The following SPTBN2 variants were observed in gnomAD, a reference collection of about 807,000 sequenced individuals.
SPTBN2 encodes spectrin beta, non-erythrocytic 2.
Under a neutral mutation model 284.2 loss-of-function variants are expected in SPTBN2, and 107 were observed. The ratio of observed to expected loss-of-function variants is 0.38; its 90% confidence interval spans 0.32 to 0.44. The LOEUF (loss-of-function observed/expected upper bound fraction) is 0.44. SPTBN2 is among the 20% of genes least tolerant of loss of function. The probability of loss-of-function intolerance (pLI) is 1.00; values close to 1 mark genes in which losing one functional copy is unlikely to be tolerated. For missense variants in SPTBN2, 2,569 were observed against 3,287.1 expected (o/e 0.78, Z 5.34); for synonymous variants, 1,289 against 1,354.8 (o/e 0.95, Z 1.07).
chr11:66,694,203 C>T lies in SPTBN2; in HGVS notation c.4439G>A (p.Arg1480His), dbSNP rs201169791. 55 of 1,613,456 alleles carry T rather than the reference C, an allele frequency of 3.4e-5. No individual in the cohort carries two copies. The highest frequency in any genetic ancestry group is 8.5e-6 in the Non-Finnish European group (10 of 1,180,036). Residue 1480 changes from arginine to histidine, a missense_variant, in exon 22 of 38, where the codon CGC (arginine) becomes CAC (histidine). Coordinates refer to ENST00000533211, the MANE Select transcript of SPTBN2 (RefSeq NM_006946.4). ...GCGAGAAGCCTGCAGGCGCCGGCAG[C>T]GTTCCCGCATGGGCTGGCACAAGGC... is the stretch of plus-strand genomic sequence containing the variant. ...FRALCQPMRE[R>H]CRRLQASREQ... is the part of the protein sequence containing the mutation.
intron 8 of SPTBN2, among the ~76,000 whole-genome samples, chr11:66,712,404 G>A (rs780068737): frequency 9.2e-5 from 14 of 152,104 alleles, no homozygotes; most frequent in Non-Finnish European, 1.8e-4. Flanking sequence ...AAAATTAGCC[G>A]GGCGTGGTGG....
chr11:66,716,636 G>C lies in SPTBN2; in HGVS notation c.158-655C>G, dbSNP rs946005616. ...TGGTCAAGTGACTTCATTCATCAGA[G>C]CCCCAATGTCTCATCTGTAAAATGG... On this transcript the variant is annotated intron_variant, in intron 3 of 37. Coordinates refer to ENST00000533211, the MANE Select transcript of SPTBN2 (RefSeq NM_006946.4). Among the ~76,000 whole-genome samples, 5 of 152,318 alleles carry C rather than the reference G, an allele frequency of 3.3e-5. No individual in the cohort carries two copies. In the South Asian group the frequency reaches 1.0e-3, roughly 32 times the overall value.
chr11:66,689,788 A>C lies in SPTBN2; in HGVS notation c.5949+17T>G. 6.2e-7 allele frequency: 1 copy of C among 1,612,590 alleles called. No homozygotes were observed. The highest frequency in any genetic ancestry group is 1.1e-5 in the South Asian group (1 of 91,048). ...ACTGCACAGTGAGAATGGCCCGGCC[A>C]CCCAGGCCTCACCCACCTCCTCGGC... is the stretch of plus-strand genomic sequence containing the variant. On this transcript the variant is annotated intron_variant, in intron 29 of 37. Transcript: ENST00000533211.
At chr11:66,738,936 T>C (rs777701405) in intron 1 of SPTBN2, among the ~76,000 whole-genome samples, 2 of 152,106 alleles carry the variant, frequency 1.3e-5, no homozygotes. Context: ...CTCAGCCTCA[T>C]GAGTAGCTGG....
intron 21 of SPTBN2, among the ~76,000 whole-genome samples, chr11:66,695,286 C>T (rs1357272454): frequency 1.3e-5 from 2 of 152,190 alleles, no homozygotes; most frequent in African/African-American, 2.4e-5. Flanking sequence ...AGACAAGTCT[C>T]GCTCTGCCAC....
chr11:66,694,470 G>T, intron 21 of SPTBN2, 107 bp from the exon 22 acceptor site: 1 of 1,147,660 alleles, frequency 8.7e-7, no homozygotes, highest in Non-Finnish European at 1.2e-6. Flanking sequence ...GCTCATCACT[G>T]CAGCTCACCC....
chr11:66,689,077 G>GAGGA lies in SPTBN2; in HGVS notation c.6034+18_6034+19insTCCT. The GAGGA allele has an allele frequency of 6.3e-7, 1 of 1,597,932 alleles. No homozygotes were observed. Among genetic ancestry groups the GAGGA allele is most frequent in the Non-Finnish European group, 8.5e-7 (1 of 1,171,128 alleles). On this transcript the variant is annotated intron_variant, in intron 30 of 37. Coordinates refer to ENST00000533211, the MANE Select transcript of SPTBN2 (RefSeq NM_006946.4). ...GCCCCCCACTCCCCACAGGGCCTGG[G>GAGGA]GCCCCCTTGGCAGCTCACCCAGCTG...
At position 66,691,613 on chromosome 11, in the gene SPTBN2, T is replaced by C; in HGVS notation, c.5236A>G (p.Ile1746Val). The change falls in exon 27 of 38, where the codon ATC (isoleucine) becomes GTC (valine). Residue 1746 changes from isoleucine (I) to valine (V), a missense_variant. Coordinates refer to ENST00000533211, the MANE Select transcript of SPTBN2 (RefSeq NM_006946.4). This position sits in a 1 kb window ranked among gnomAD's most constrained non-coding sequence, Gnocchi z 8.0. ...FREFSRDTST[I>V]GQERVDSANA... ...GCGCTATCTACGCGCTCCTGACCGA[T>C]GGTGCTTGTGTCCCGGGAGAACTCT... 1.2e-6 allele frequency: 2 copies of C among 1,613,860 alleles called. No individual in the cohort carries two copies. Among genetic ancestry groups the C allele is most frequent in the Non-Finnish European group, 1.7e-6 (2 of 1,180,022 alleles).
chr11:66,691,318 GCA>G lies in SPTBN2; in HGVS notation c.5529_5530del (p.Ala1844LeufsTer4), dbSNP rs775808781. On this transcript the variant is annotated frameshift_variant, in exon 27 of 38. Transcript: ENST00000533211. LOFTEE classifies it high-confidence loss of function. The surrounding 1 kb of genome is among the most constrained non-coding windows in gnomAD (Gnocchi z 8.0). ...GAGGGCCTGAATGTCATGCTCGTAG[GCA>G]CAGTGTCGGCGCTGCAGGGCCTCGG... is the stretch of plus-strand genomic sequence containing the variant. 2 of 1,548,238 alleles carry G rather than the reference GCA, an allele frequency of 1.3e-6. No homozygotes were observed. The highest frequency in any genetic ancestry group is 1.7e-6 in the Non-Finnish European group (2 of 1,143,222).
chr11:66,694,268 C>A lies in SPTBN2; in HGVS notation c.4374G>T (p.Glu1458Asp), dbSNP rs142378119. 4.3e-4 allele frequency: 689 copies of A among 1,614,224 alleles called. No individual in the cohort carries two copies. Among genetic ancestry groups the A allele is most frequent in the Non-Finnish European group, 5.4e-4 (643 of 1,180,036 alleles). The change falls in exon 22 of 38, where the codon GAG becomes GAT. Residue 1458 changes from glutamate to aspartate, a missense_variant. Around this residue, in one of 6 missense-constraint regions of SPTBN2, gnomAD observed 1,130 missense variants for 1,317.3 expected, o/e 0.86. Transcript: ENST00000533211. ...CCACGGCCCTCGAGGTTCTCTCCAC[C>A]TCCCCTGCACCCTGGTCCTCCTGGG... is the stretch of plus-strand genomic sequence containing the variant. ...ALAQEDQGAG[E>D]VERTSRAVEE...
chr11:66,686,978 T>C lies in SPTBN2; in HGVS notation c.6896+16A>G, dbSNP rs778753133. The C allele has an allele frequency of 3.1e-6, 5 of 1,613,590 alleles. No individual in the cohort carries two copies. Among genetic ancestry groups the C allele is most frequent in the East Asian group, 4.5e-5 (2 of 44,894 alleles). On this transcript the variant is annotated intron_variant, in intron 36 of 37. Transcript: ENST00000533211. ...AACTCTCCTCCCATCCCGAGAGCACTGTTCCCTGTTCCTACCCCAGCTTGA... is the reference window on the plus strand; with the variant it reads ...AACTCTCCTCCCATCCCGAGAGCACCGTTCCCTGTTCCTACCCCAGCTTGA...
chr11:66,698,892 A>C (rs1253988541), intron 19 of SPTBN2, 100 bp downstream of exon 19: 10 of 1,599,470 alleles, frequency 6.3e-6, no homozygotes, highest in Non-Finnish European at 8.5e-6. Flanking sequence ...AGAAGCCATG[A>C]AGGGGCTCAC....
At chr11:66,699,784 C>T (rs749438875) in intron 17 of SPTBN2, among the ~76,000 whole-genome samples, 176 bp from the exon 18 acceptor site, 3 of 152,150 alleles carry the variant, frequency 2.0e-5, no homozygotes, top group Non-Finnish European at 4.4e-5. Context: ...CAGAAAGTCA[C>T]AGGGAAGCTG....
rs879653612 is a variant in SPTBN2 at position 66,682,767 on chromosome 11, A to AT, written c.*3103dup. ...AATATATTTTTCTCTACATAATCCT[A>AT]TTTTTTTTTTTTTGAGACAGGGTCT... On this transcript the variant is annotated 3_prime_UTR_variant, in exon 38 of 38. Coordinates refer to ENST00000533211, the MANE Select transcript of SPTBN2 (RefSeq NM_006946.4). Among the ~76,000 whole-genome samples, 303 of 143,872 alleles carry AT rather than the reference A, an allele frequency of 2.1e-3. No individual in the cohort carries two copies. The highest frequency in any genetic ancestry group is 2.4e-3 in the Non-Finnish European group (160 of 65,314). The allele number at this position is 143,872 out of a possible 152,430, so 94.4% of individuals were successfully genotyped here.
At position 66,682,622 on chromosome 11, in the gene SPTBN2, G is replaced by A. The variant is rs146499117; in HGVS notation, c.*3249C>T. 5.9e-3 allele frequency among the ~76,000 whole-genome samples: 902 copies of A among 152,308 alleles called. 10 individuals carry two copies. The highest frequency in any genetic ancestry group is 8.7e-3 in the Admixed American group (133 of 15,292). ...TCCTCTTCCATGCTTCATACCTGGT[G>A]TTTCAGAGTCATGACACACTTGGTT... On this transcript the variant is annotated 3_prime_UTR_variant, in exon 38 of 38. Coordinates refer to ENST00000533211, the MANE Select transcript of SPTBN2 (RefSeq NM_006946.4).
Position 66,685,978 on chromosome 11 carries a change from G to C in SPTBN2, c.7066C>G (p.Pro2356Ala). The C allele has an allele frequency of 6.2e-7, 1 of 1,613,866 alleles. No homozygotes were observed. The highest frequency in any genetic ancestry group is 8.5e-7 in the Non-Finnish European group (1 of 1,180,018). The change falls in exon 38 of 38, where the codon CCC (proline) becomes GCC (alanine). Residue 2356 changes from proline to alanine, a missense_variant. By Grantham distance (27) the Pro-to-Ala change is conservative. Around this residue, in one of 6 missense-constraint regions of SPTBN2, gnomAD observed 1,130 missense variants for 1,317.3 expected, o/e 0.86. Coordinates refer to ENST00000533211, the MANE Select transcript of SPTBN2 (RefSeq NM_006946.4). This position sits in a 1 kb window ranked among gnomAD's most constrained non-coding sequence, Gnocchi z 4.4. The stretch of plus-strand genomic sequence containing the variant: ...TCAGCCCCGACGGGTGACACTGGGG[G>C]CATGGTCATGGCCCGGGTCATGCCC... Reference protein sequence around the residue: ...TRGMTRAMTMPPVSPVGAEGP... With the variant: ...TRGMTRAMTMAPVSPVGAEGP...
chr11:66,687,182 G>C lies in SPTBN2; in HGVS notation c.6723-15C>G. ...TCTGCCAGGACCTGCGAGGGACGCG[G>C]TGCTGACTGGCCGGCCTCAGTGGCG... On this transcript the variant is annotated splice_polypyrimidine_tract_variant and intron_variant, in intron 35 of 37. Transcript: ENST00000533211. The surrounding 1 kb of genome is among the most constrained non-coding windows in gnomAD (Gnocchi z 5.2). The C allele has an allele frequency of 6.2e-7, 1 of 1,613,318 alleles. No homozygotes were observed. Among genetic ancestry groups the C allele is most frequent in the Non-Finnish European group, 8.5e-7 (1 of 1,179,952 alleles).
At position 66,708,374 on chromosome 11, in the gene SPTBN2, T is replaced by C; in HGVS notation, c.1192-75A>G. On this transcript the variant is annotated intron_variant, in intron 11 of 37. Transcript: ENST00000533211. The surrounding 1 kb of genome is among the most constrained non-coding windows in gnomAD (Gnocchi z 4.4). ...AGTGGGGCTGGAGGCACATGGTAAG[T>C]CCCATGGAAGCTCGGTCTGGTGGAT... 4.2e-6 allele frequency: 6 copies of C among 1,416,442 alleles called. No homozygotes were observed. The South Asian group carries it at 7.2e-5, about 17-fold the overall frequency. The allele number at this position is 1,416,442 out of a possible 1,614,324, so 87.7% of individuals were successfully genotyped here. A position where few individuals can be genotyped will look rare whatever the true frequency, so the allele number is the denominator to read the frequency against.
At chr11:66,696,916 G>A (rs1247542334) in intron 20 of SPTBN2, among the ~76,000 whole-genome samples, 1 of 152,186 alleles carries the variant, frequency 6.6e-6, no homozygotes, top group Admixed American at 6.5e-5. Context: ...GTGATAGCAA[G>A]TTGAGTCCCA....
Sources: gnomAD v4.1 joint callset for allele counts (sites outside exome capture counted in the v4.1 genomes callset) on GRCh38, gnomAD v4.1.1 for gene constraint, gnomAD v4.1.1 regional missense constraint, Gnocchi (gnomAD v3.1) non-coding constraint, MANE v1.5 for transcripts, NCBI Gene and HGNC (gene_info 2026-07-23, HGNC 2026-07-21) for gene names.